Variants in PRKG1 observed in about 807,000 individuals in gnomAD.
PRKG1 encodes the protein protein kinase cGMP-dependent 1.
PRKG1 carries 35 observed loss-of-function variants against 88.1 expected under a neutral mutation model. The observed-to-expected ratio is 0.40, with a 90% confidence interval of 0.30 to 0.53. The LOEUF is 0.53. PRKG1 is among the 20% of genes least tolerant of loss of function. The pLI, the probability that PRKG1 is intolerant of heterozygous loss-of-function variation, is 0.59. For synonymous variants in PRKG1, 303 were observed against 292.5 expected, an observed-to-expected ratio of 1.04 and a Z score of -0.37; for missense variants, 540 against 839.8, an observed-to-expected ratio of 0.64 and a Z score of 4.41.
intron 2 of PRKG1, among the ~76,000 whole-genome samples, chr10:51,258,808 C>T (rs897049920): frequency 6.6e-6 from 1 of 152,248 alleles, no homozygotes. Context: ...CAAATGCCAG[C>T]TATCAGTGCA....
chr10:51,367,896 A>C (rs1185465853), intron 2 of PRKG1, among the ~76,000 whole-genome samples: 1 of 151,924 alleles, frequency 6.6e-6, no homozygotes, highest in Non-Finnish European at 1.5e-5. Flanking sequence ...CTTAATTTAC[A>C]TTGCTTATTA....
At chr10:51,467,510 T>A (rs79078807) in intron 2 of PRKG1, among the ~76,000 whole-genome samples, 129 of 152,152 alleles carry the variant, frequency 8.5e-4, no homozygotes, top group African/African-American at 3.1e-3. Context: ...TTGGATCTCA[T>A]ATCAAATCTT....
intron 10 of PRKG1, among the ~76,000 whole-genome samples, chr10:52,258,257 C>A (rs1395422413): frequency 2.2e-5 from 3 of 138,780 alleles, no homozygotes; most frequent in African/African-American, 7.5e-5. Context: ...CTGGGCATGT[C>A]TTTCCAAAGC....
rs34941069 is a variant in PRKG1, at chr10:51,006,936, A to ATT, written c.266+15311_266+15312dup. 1.4e-3 allele frequency among the ~76,000 whole-genome samples: 167 copies of ATT among 116,764 alleles called. 1 individual carries two copies. The highest frequency in any genetic ancestry group is 4.8e-3 in the Admixed American group (53 of 10,996). The allele number at this position is 116,764 out of a possible 152,430, so 76.6% of individuals were successfully genotyped here. A position where few individuals can be genotyped will look rare whatever the true frequency, so the allele number is the denominator to read the frequency against. ...CAGTAGGTCTGGGGAAGGGCCTGAG[A>ATT]TTTTTTTTTTTTTTTTTTTTGAGAT... is the stretch of plus-strand genomic sequence containing the variant. On this transcript the variant is annotated intron_variant, in intron 1 of 17. Transcript: ENST00000401604.
At chr10:51,034,402 T>C (rs1427906324) in intron 1 of PRKG1, among the ~76,000 whole-genome samples, 2 of 152,012 alleles carry the variant, frequency 1.3e-5, no homozygotes, top group African/African-American at 4.8e-5. Context: ...CTTCACAGTG[T>C]GTGTCAGCAA....
intron 4 of PRKG1, among the ~76,000 whole-genome samples, chr10:51,810,783 T>C (rs548295425): frequency 2.0e-5 from 3 of 152,298 alleles, no homozygotes; most frequent in Admixed American, 2.0e-4. Context: ...AGGAAGTCAA[T>C]TTTATGTTGA....
chr10:51,224,825 T>C (rs1838646328), intron 2 of PRKG1, among the ~76,000 whole-genome samples: 1 of 152,142 alleles, frequency 6.6e-6, no homozygotes, highest in Non-Finnish European at 1.5e-5. Flanking sequence ...GGACCACATA[T>C]GGTTGAAATT....
At chr10:51,906,343 C>T (rs185685464) in intron 4 of PRKG1, among the ~76,000 whole-genome samples, 9 of 152,266 alleles carry the variant, frequency 5.9e-5, no homozygotes, top group East Asian at 5.8e-4. Flanking sequence ...GTGAGGACCA[C>T]GATCCATGAC....
chr10:52,213,171 T>TA (rs549495322), intron 9 of PRKG1, among the ~76,000 whole-genome samples: 203 of 150,074 alleles, frequency 1.4e-3, no homozygotes, highest in Admixed American at 2.7e-3. Flanking sequence ...AAAAGTATAA[T>TA]AAAAAAAATA....
chr10:51,246,899 C>G (rs540069436), intron 2 of PRKG1, among the ~76,000 whole-genome samples: 1 of 152,150 alleles, frequency 6.6e-6, no homozygotes, highest in African/African-American at 2.4e-5. Flanking sequence ...TATGTTATAT[C>G]TTCCAGTTCT....
At chr10:51,149,361 T>C (rs1846010373) in intron 1 of PRKG1, among the ~76,000 whole-genome samples, 1 of 152,146 alleles carries the variant, frequency 6.6e-6, no homozygotes, top group African/African-American at 2.4e-5. Context: ...TAACAGTGAA[T>C]AGTGCTGGCT....
chr10:51,030,479 G>C (rs1490542550), intron 1 of PRKG1, among the ~76,000 whole-genome samples: 7 of 152,090 alleles, frequency 4.6e-5, no homozygotes, highest in Non-Finnish European at 8.8e-5. Flanking sequence ...CTGATAGAAA[G>C]TGCTTCCTGA....
chr10:51,525,244 G>GA (rs752632003), intron 3 of PRKG1, among the ~76,000 whole-genome samples: 6 of 149,014 alleles, frequency 4.0e-5, no homozygotes, highest in Non-Finnish European at 7.4e-5. Context: ...GGGAAGGAAA[G>GA]AAAAGAAGAA....
chr10:52,276,122 G>A (rs117428254), intron 12 of PRKG1, among the ~76,000 whole-genome samples: 4,073 of 152,114 alleles, frequency 0.027, 289 homozygotes, highest in East Asian at 0.23. Flanking sequence ...CGGTTATATC[G>A]TCAGCAAACA....
intron 4 of PRKG1, among the ~76,000 whole-genome samples, chr10:51,904,639 A>C (rs1299608396): frequency 6.6e-6 from 1 of 152,194 alleles, no homozygotes; most frequent in African/African-American, 2.4e-5. Flanking sequence ...TTCCTGTTAA[A>C]TGGTTTTCTT....
intron 9 of PRKG1, among the ~76,000 whole-genome samples, chr10:52,208,326 G>GCTATGAAA (rs1243065415): frequency 6.6e-6 from 1 of 152,128 alleles, no homozygotes; most frequent in African/African-American, 2.4e-5. Flanking sequence ...TTAACCATGG[G>GCTATGAAA]CTATGAAACA....
At chr10:51,049,623 A>G (rs1843536098) in intron 1 of PRKG1, among the ~76,000 whole-genome samples, 1 of 152,222 alleles carries the variant, frequency 6.6e-6, no homozygotes, top group African/African-American at 2.4e-5. Context: ...AAACAACCAT[A>G]TAGAAAGATA....
intron 1 of PRKG1, among the ~76,000 whole-genome samples, chr10:51,080,665 G>A (rs1251477919): frequency 3.3e-5 from 5 of 152,178 alleles, no homozygotes; most frequent in Non-Finnish European, 7.3e-5. Context: ...GCATTTACCA[G>A]TATGCTCAAC....
intron 5 of PRKG1, among the ~76,000 whole-genome samples, chr10:51,915,596 AG>A (rs1441905378): frequency 6.6e-6 from 1 of 151,996 alleles, no homozygotes; most frequent in Non-Finnish European, 1.5e-5. Flanking sequence ...GAGGATAAAA[AG>A]AGAAGAGCTT....
Sources: gnomAD v4.1 joint callset for allele counts (sites outside exome capture counted in the v4.1 genomes callset) on GRCh38, gnomAD v4.1.1 for gene constraint, MANE v1.5 for transcripts, NCBI Gene and HGNC (gene_info 2026-07-23, HGNC 2026-07-21) for gene names.